Variants in TSPEAR observed in about 807,000 individuals in gnomAD.
The protein encoded by TSPEAR is thrombospondin-type laminin G domain and EAR repeat-containing protein.
A neutral mutation model predicts 71.6 loss-of-function variants in TSPEAR; 69 were observed. The ratio of observed to expected loss-of-function variants is 0.96; its 90% CI spans 0.79 to 1.18. The LOEUF (loss-of-function observed/expected upper bound fraction) is 1.18, where lower values mean the gene tolerates loss of function less well. Ranked by LOEUF, TSPEAR falls within the 50% of genes most tolerant of loss-of-function variation. TSPEAR has a pLI of 0.00. For missense variants in TSPEAR, 971 were observed against 894.9 expected (o/e 1.09, Z -1.09); for synonymous variants, 402 against 387.2 (o/e 1.04, Z -0.45).
In TSPEAR at chr21:44,612,691, C is replaced by T. The variant is rs1555931464; in HGVS notation, c.83-44686G>A. The T allele has an allele frequency of 2.5e-6, 4 of 1,613,984 alleles. No homozygotes were observed. The highest frequency in any genetic ancestry group is 3.4e-6 in the Non-Finnish European group (4 of 1,179,944). On this transcript the variant is annotated intron_variant, in intron 1 of 11. Transcript: ENST00000323084. This position sits in a 1 kb window ranked among gnomAD's most constrained non-coding sequence, Gnocchi z 4.1. ...AGAAGTCTAGCTGCCAGCCGGCTTG[C>T]TGCACCACCTCCTGCTGCAGACCCT...
In TSPEAR at chr21:44,682,119, C is replaced by T. The variant is rs781790095; in HGVS notation, c.82+29314G>A. 8 of 1,613,340 alleles carry T rather than the reference C, an allele frequency of 5.0e-6. No homozygotes were observed. The South Asian group carries it at 8.8e-5, about 18-fold the overall frequency. The stretch of plus-strand genomic sequence containing the variant: ...GCAGCCCGAGGAGCAGCTGGTGTGG[C>T]ACATGGTGGCGTGTGGCTGGATAAG... On this transcript the variant is annotated intron_variant, in intron 1 of 11. Transcript: ENST00000323084.
At chr21:44,646,635 G>A (rs1455479829) in intron 1 of TSPEAR, 32 of 1,613,158 alleles carry the variant, frequency 2.0e-5, no homozygotes, top group Non-Finnish European at 2.6e-5. Context: ...CCTGCTGCCA[G>A]GCGGCCTGTG....
intron 1 of TSPEAR, among the ~76,000 whole-genome samples, chr21:44,651,934 C>G (rs1300391005): frequency 6.6e-6 from 1 of 151,942 alleles, no homozygotes; most frequent in Admixed American, 6.6e-5. Context: ...GCCTATATAG[C>G]CCAGGAGCAG....
Position 44,699,377 on chromosome 21 carries a change from CAAAAAA to C in TSPEAR, c.82+12050_82+12055del, listed in dbSNP as rs55846070. 6.7e-4 allele frequency among the ~76,000 whole-genome samples: 44 copies of C among 65,414 alleles called. 1 individual carries two copies. Among genetic ancestry groups the C allele is most frequent in the Non-Finnish European group, 1.1e-3 (37 of 34,856 alleles). 42.9% of individuals were successfully genotyped at this position (65,414 alleles called of 152,430 possible). A position where few individuals can be genotyped will look rare whatever the true frequency, so the allele number is the denominator to read the frequency against. ...CCTGGGTGAGAGTGAGACACTGTCT[CAAAAAA>C]AAAAAAAAAAAAAAAGGGTTGGGGA... On this transcript the variant is annotated intron_variant, in intron 1 of 11. Transcript: ENST00000323084.
At chr21:44,502,236 T>C (rs1461438520) in intron 11 of TSPEAR, among the ~76,000 whole-genome samples, 4 of 152,124 alleles carry the variant, frequency 2.6e-5, no homozygotes, top group Non-Finnish European at 5.9e-5. Flanking sequence ...GATGTGCTCG[T>C]TAAATTAGAG....
intron 1 of TSPEAR, chr21:44,579,497 C>A: frequency 1.8e-6 from 1 of 570,516 alleles, no homozygotes; most frequent in South Asian, 2.3e-5. Flanking sequence ...GGAGGAGGTG[C>A]TGACAGGTTC....
chr21:44,579,704 C>G (rs1295350810), intron 1 of TSPEAR: 16 of 1,567,574 alleles, frequency 1.0e-5, no homozygotes, highest in Non-Finnish European at 8.6e-7. Context: ...CGAGTCAGGA[C>G]CAGTTGGCCC....
chr21:44,600,630 G>A lies in TSPEAR; in HGVS notation c.83-32625C>T, dbSNP rs59409175. 42 of 1,612,680 alleles carry A rather than the reference G, an allele frequency of 2.6e-5. No homozygotes were observed. The highest frequency in any genetic ancestry group is 1.6e-4 in the African/African-American group (12 of 74,752). ...CCAGTTCAATCCCCAGCATGGCTGC[G>A]TCCACTATGTCTGTCTGCTCCAGCG... is the stretch of plus-strand genomic sequence containing the variant. On this transcript the variant is annotated intron_variant, in intron 1 of 11. Coordinates refer to ENST00000323084, the MANE Select transcript of TSPEAR (RefSeq NM_144991.3).
intron 1 of TSPEAR, among the ~76,000 whole-genome samples, chr21:44,683,596 G>C (rs1404151127): frequency 6.6e-6 from 1 of 152,142 alleles, no homozygotes; most frequent in Non-Finnish European, 1.5e-5. Context: ...TTGAGCCTGG[G>C]AGGTTGAGGA....
chr21:44,529,747 A>G, intron 5 of TSPEAR, 51 bp downstream of exon 5: 1 of 1,606,574 alleles, frequency 6.2e-7, no homozygotes, highest in African/African-American at 1.3e-5. Context: ...GTGTGAGGCC[A>G]GGGCTCTCGC....
chr21:44,568,345 G>A (rs1292369917), intron 1 of TSPEAR, among the ~76,000 whole-genome samples: 2 of 152,202 alleles, frequency 1.3e-5, no homozygotes, highest in East Asian at 3.9e-4. Flanking sequence ...AGGAACGCAT[G>A]GCCCCACCGC....
chr21:44,703,458 A>T (rs1219791052), intron 1 of TSPEAR, among the ~76,000 whole-genome samples: 5 of 152,166 alleles, frequency 3.3e-5, no homozygotes, highest in African/African-American at 1.2e-4. Flanking sequence ...GGTGAGTTTG[A>T]GGAACCCCGG....
At chr21:44,525,557 ATTG>A (rs1555914811) in intron 8 of TSPEAR, 93 bp downstream of exon 8, 9 of 1,301,106 alleles carry the variant, frequency 6.9e-6, no homozygotes. Flanking sequence ...CATGTGGCTT[ATTG>A]TTTTCTAATA....
At chr21:44,592,503 G>C (rs782379651) in intron 1 of TSPEAR, 3 of 1,592,498 alleles carry the variant, frequency 1.9e-6, no homozygotes, top group Non-Finnish European at 2.6e-6. Context: ...TGAACTGGTG[G>C]AGGGTGAGGG....
intron 1 of TSPEAR, chr21:44,686,616 T>A (rs1280024593): frequency 6.5e-6 from 1 of 152,856 alleles, no homozygotes; most frequent in Non-Finnish European, 1.5e-5. Flanking sequence ...TGCAGACCTG[T>A]GACCTGCCAC....
At chr21:44,663,590 C>T (rs1302604235) in intron 1 of TSPEAR, among the ~76,000 whole-genome samples, 10 of 151,822 alleles carry the variant, frequency 6.6e-5, no homozygotes, top group African/African-American at 9.7e-5. Flanking sequence ...GAATCATTCC[C>T]GATTAAATTC....
Position 44,594,642 on chromosome 21 carries a change from C to CTATTGCACG in TSPEAR, c.83-26638_83-26637insCGTGCAATA, listed in dbSNP as rs1980235888. ...TGAATATTCACTATTCCTCCATAAC[C>CTATTGCACG]TATTGCACATGTGTATTCAGCCAAC... On this transcript the variant is annotated intron_variant, in intron 1 of 11. Coordinates refer to ENST00000323084, the MANE Select transcript of TSPEAR (RefSeq NM_144991.3). 2.0e-5 allele frequency among the ~76,000 whole-genome samples: 3 copies of CTATTGCACG among 151,866 alleles called. No homozygotes were observed. In the South Asian group the frequency reaches 6.2e-4, roughly 32 times the overall value.
At chr21:44,676,535 T>A in intron 1 of TSPEAR, 1 of 750,714 alleles carries the variant, frequency 1.3e-6, no homozygotes, top group Non-Finnish European at 2.4e-6. Flanking sequence ...ATATCCAGAG[T>A]AAAGTTGTGA....
At chr21:44,580,620 TG>T in intron 1 of TSPEAR, 1 of 1,559,924 alleles carries the variant, frequency 6.4e-7, no homozygotes, top group Non-Finnish European at 8.7e-7. Context: ...GGGGGAGGTG[TG>T]AGTGAGTGAG....
Sources: allele counts gnomAD v4.1 joint callset (sites outside exome capture counted in the v4.1 genomes callset), GRCh38; gene constraint gnomAD v4.1.1; non-coding constraint Gnocchi (gnomAD v3.1); transcripts MANE v1.5; gene names NCBI Gene and HGNC (gene_info 2026-07-23, HGNC 2026-07-21).